FNDC8: variants seen among roughly 807,000 people sequenced by gnomAD.
FNDC8 encodes the protein fibronectin type III domain containing 8.
In FNDC8, 23 loss-of-function variants were observed where a neutral mutation model predicts 24.8. The ratio of observed to expected loss-of-function variants is 0.93; its 90% CI spans 0.67 to 1.31. FNDC8 has a LOEUF of 1.31. Ranked by LOEUF, FNDC8 falls within the 40% of genes most tolerant of loss-of-function variation. The probability of loss-of-function intolerance (pLI) is 0.00; values close to 1 mark genes in which losing one functional copy is unlikely to be tolerated. For synonymous variants in FNDC8, 158 were observed against 165.3 expected (o/e 0.96, Z 0.34); for missense variants, 371 against 398.2 (o/e 0.93, Z 0.58).
In FNDC8 at chr17:35,127,261, A is replaced by G; in HGVS notation, c.429A>G (p.Pro143=). The G allele has an allele frequency of 6.2e-7, 1 of 1,614,034 alleles. No individual in the cohort carries two copies. The highest frequency in any genetic ancestry group is 1.3e-5 in the African/African-American group (1 of 75,064). ...TGGCGCTCGGCCCCTGCCCATGCCC[A>G]TCGAAGTCCCAGATGGCCACAAGGG... ...EDLALGPCPC[P]SKSQMATRGL... Residue 143 remains proline (P), a synonymous_variant, in exon 2 of 4, where the codon CCA becomes CCG. Coordinates refer to ENST00000158009, the MANE Select transcript of FNDC8 (RefSeq NM_017559.4).
intron 3 of FNDC8, chr17:35,130,056 A>G (rs866872721): frequency 2.1e-6 from 3 of 1,409,614 alleles, no homozygotes; most frequent in South Asian, 3.2e-5. Context: ...ATGGGGGTAT[A>G]GAGGCCTGAG....
At chr17:35,130,020 G>C in intron 3 of FNDC8, 1 of 1,385,870 alleles carries the variant, frequency 7.2e-7, no homozygotes, top group Non-Finnish European at 9.3e-7. Flanking sequence ...ACGAAGAAGG[G>C]AACAGCCTGG....
At chr17:35,123,741 T>TA (rs5820101) in intron 1 of FNDC8, among the ~76,000 whole-genome samples, 15 of 144,526 alleles carry the variant, frequency 1.0e-4, no homozygotes, top group South Asian at 2.2e-4. Context: ...CAAGGCTCCA[T>TA]AAAAAAAACA....
chr17:35,123,506 G>A (rs1164142670), intron 1 of FNDC8, among the ~76,000 whole-genome samples: 2 of 152,174 alleles, frequency 1.3e-5, no homozygotes, highest in African/African-American at 4.8e-5. Context: ...GAGAGGCTGA[G>A]GCGGATGCAT....
rs539709925 is a variant in FNDC8 at position 35,128,033 on chromosome 17, G to C, written c.585+616G>C. ...CTATGGGAAGTGAAGACAGGGGACA[G>C]GATGGGGAATGTTAGTCTGGGATCA... On this transcript the variant is annotated intron_variant, in intron 2 of 3. Transcript: ENST00000158009. 1.4e-4 allele frequency among the ~76,000 whole-genome samples: 22 copies of C among 152,368 alleles called. No homozygotes were observed. In the South Asian group the frequency reaches 3.7e-3, roughly 26 times the overall value.
intron 1 of FNDC8, among the ~76,000 whole-genome samples, chr17:35,124,598 G>GT (rs2091841902): frequency 6.7e-6 from 1 of 148,408 alleles, no homozygotes; most frequent in South Asian, 2.1e-4. Flanking sequence ...TGCACACAGA[G>GT]TAAGTGTTGG....
chr17:35,123,595 G>A (rs946039390), intron 1 of FNDC8, among the ~76,000 whole-genome samples: 2 of 152,106 alleles, frequency 1.3e-5, no homozygotes, highest in Non-Finnish European at 2.9e-5. Context: ...AAAATTAGCT[G>A]GATGTGGTGG....
intron 2 of FNDC8, chr17:35,128,844 G>A (rs2091859944): frequency 5.7e-6 from 1 of 174,654 alleles, no homozygotes; most frequent in South Asian, 1.7e-4. Flanking sequence ...AACTGTGGGA[G>A]CCCTGAGCTT....
At chr17:35,124,069 G>A (rs1484779335) in intron 1 of FNDC8, among the ~76,000 whole-genome samples, 1 of 152,216 alleles carries the variant, frequency 6.6e-6, no homozygotes, top group African/African-American at 2.4e-5. Flanking sequence ...GGGCTAATCA[G>A]GATTTCTCAG....
At chr17:35,129,321 C>T (rs75744810) in intron 2 of FNDC8, 101 bp from the exon 3 acceptor site, 1 of 1,461,782 alleles carries the variant, frequency 6.8e-7, no homozygotes, top group Non-Finnish European at 9.3e-7. Context: ...CCAGCAGGAG[C>T]AGGGGATGGG....
chr17:35,122,229 A>T (rs1438380655), intron 1 of FNDC8, among the ~76,000 whole-genome samples: 1 of 114,398 alleles, frequency 8.7e-6, no homozygotes, highest in Non-Finnish European at 1.8e-5. Flanking sequence ...TTTGGTAGAA[A>T]CGGGGTTTCA....
In FNDC8 at chr17:35,129,663, G is replaced by A. The variant is rs1172808962; in HGVS notation, c.822+5G>A. On this transcript the variant is annotated splice_donor_5th_base_variant and intron_variant, in intron 3 of 3. Transcript: ENST00000158009. ...AAGTGGTGCAAGCCCTACAAAGTGA[G>A]CCCTGGGAAAAGAGGGGCCTTGGGG... 15 of 1,612,962 alleles carry A rather than the reference G, an allele frequency of 9.3e-6. No homozygotes were observed. Among genetic ancestry groups the A allele is most frequent in the African/African-American group, 1.3e-5 (1 of 74,878 alleles).
intron 2 of FNDC8, 94 bp from the exon 3 acceptor site, chr17:35,129,328 T>C: frequency 1.3e-6 from 2 of 1,497,890 alleles, no homozygotes; most frequent in African/African-American, 1.4e-5. Flanking sequence ...GAGCAGGGGA[T>C]GGGCATGGGA....
At position 35,129,814 on chromosome 17, in the gene FNDC8, C is replaced by T. The variant is rs1416548948; in HGVS notation, c.822+156C>T. ...AGAAGCATCAATTCCAGAATGCATG[C>T]TTCTGGGAGGTTTAAGGATTAAGCC... is the stretch of plus-strand genomic sequence containing the variant. On this transcript the variant is annotated intron_variant, in intron 3 of 3. Coordinates refer to ENST00000158009, the MANE Select transcript of FNDC8 (RefSeq NM_017559.4). 2.8e-6 allele frequency: 4 copies of T among 1,439,080 alleles called. No homozygotes were observed. In the African/African-American group the frequency reaches 5.7e-5, roughly 21 times the overall value. The allele number at this position is 1,439,080 out of a possible 1,614,324, so 89.1% of individuals were successfully genotyped here. A position where few individuals can be genotyped will look rare whatever the true frequency, so the allele number is the denominator to read the frequency against.
Position 35,130,310 on chromosome 17 carries a change from G to A in FNDC8, c.851G>A (p.Ser284Asn). 10 of 1,614,044 alleles carry A rather than the reference G, an allele frequency of 6.2e-6. No individual in the cohort carries two copies. Among genetic ancestry groups the A allele is most frequent in the Non-Finnish European group, 7.6e-6 (9 of 1,179,962 alleles). Residue 284 changes from serine (S) to asparagine (N), a missense_variant, in exon 4 of 4, where the codon AGC becomes AAC. By Grantham distance (46) the Ser-to-Asn change is conservative. Coordinates refer to ENST00000158009, the MANE Select transcript of FNDC8 (RefSeq NM_017559.4). ...GCAACCCTGGCCACTGACTTCAGCAGCTTTCCTGAGAACTACCCCATCCAG... is the reference window on the plus strand; with the variant it reads ...GCAACCCTGGCCACTGACTTCAGCAACTTTCCTGAGAACTACCCCATCCAG... ...KFATLATDFS[S>N]FPENYPIQIT...
Position 35,130,521 on chromosome 17 carries a change from C to T in FNDC8, c.*87C>T, listed in dbSNP as rs577491756. On this transcript the variant is annotated 3_prime_UTR_variant, in exon 4 of 4. Coordinates refer to ENST00000158009, the MANE Select transcript of FNDC8 (RefSeq NM_017559.4). Reference sequence around the variant, plus strand: ...CAGAGCCATGAGACCTACCATACCACCAGCACCCTGCGGGCCCGGGGTCTG... The same window carrying T: ...CAGAGCCATGAGACCTACCATACCATCAGCACCCTGCGGGCCCGGGGTCTG... 175 of 1,404,896 alleles carry T rather than the reference C, an allele frequency of 1.2e-4. 1 individual carries two copies. The South Asian group carries it at 1.8e-3, about 15-fold the overall frequency. 87.0% of individuals were successfully genotyped at this position (1,404,896 alleles called of 1,614,324 possible). A position where few individuals can be genotyped will look rare whatever the true frequency, so the allele number is the denominator to read the frequency against.
intron 3 of FNDC8, 48 bp from the exon 4 acceptor site, chr17:35,130,234 G>A: frequency 6.3e-7 from 1 of 1,597,842 alleles, no homozygotes; most frequent in South Asian, 1.1e-5. Flanking sequence ...AGAGAGCCAG[G>A]TTCAGATCTG....
intron 2 of FNDC8, chr17:35,129,165 G>A: frequency 2.3e-6 from 1 of 431,876 alleles, no homozygotes. Context: ...CCCAAGGGTT[G>A]AGGACCCCTG....
chr17:35,125,750 G>C (rs1449574266), intron 1 of FNDC8, among the ~76,000 whole-genome samples: 1 of 152,132 alleles, frequency 6.6e-6, no homozygotes, highest in Non-Finnish European at 1.5e-5. Context: ...AAGTGTCTGG[G>C]GGGCTTTACC....
Sources: gnomAD v4.1 joint callset for allele counts (sites outside exome capture counted in the v4.1 genomes callset) on GRCh38, gnomAD v4.1.1 for gene constraint, MANE v1.5 for transcripts, NCBI Gene and HGNC (gene_info 2026-07-23, HGNC 2026-07-21) for gene names.